The following ASXL3 variants were observed in gnomAD, a reference collection of about 807,000 sequenced individuals.
ASXL3 encodes the protein ASXL transcriptional regulator 3, also known as putative Polycomb group protein ASXL3.
ASXL3 carries 34 observed loss-of-function variants against 170.6 expected under a neutral mutation model. The ratio of observed to expected loss-of-function variants is 0.20; its 90% CI spans 0.15 to 0.27. The LOEUF (loss-of-function observed/expected upper bound fraction) is 0.27, where lower values mean the gene tolerates loss of function less well. Ranked by LOEUF, ASXL3 falls within the 10% of genes least tolerant of loss-of-function variation. ASXL3 has a pLI of 1.00. For synonymous variants in ASXL3, 1,002 were observed against 989.1 expected (o/e 1.01, Z -0.24); for missense variants, 2,592 against 2,695.3 (o/e 0.96, Z 0.85).
At chr18:33,615,164 T>C (rs894585963) in intron 2 of ASXL3, among the ~76,000 whole-genome samples, 1 of 152,166 alleles carries the variant, frequency 6.6e-6, no homozygotes, top group Non-Finnish European at 1.5e-5. Flanking sequence ...CTATTTCATA[T>C]AGCCACCTTT....
rs532540690 is a variant in ASXL3 at position 33,743,562 on chromosome 18, A to G, written c.3714A>G (p.Val1238=). 2 of 1,613,246 alleles carry G rather than the reference A, an allele frequency of 1.2e-6. No individual in the cohort carries two copies. The highest frequency in any genetic ancestry group is 1.1e-5 in the South Asian group (1 of 91,082). The change falls in exon 12 of 12, where the codon GTA becomes GTG. Residue 1238 remains valine (V), a synonymous_variant. Coordinates refer to ENST00000269197, the MANE Select transcript of ASXL3 (RefSeq NM_030632.3). ...TTTTTAATAAAAATTCTGTCCCTGT[A>G]TCTGTTTGCAGCACTGCTATATCGG... The part of the protein sequence containing the change: ...PMLFNKNSVP[V]SVCSTAISGA...
intron 8 of ASXL3, among the ~76,000 whole-genome samples, chr18:33,703,683 C>T (rs541676510): frequency 6.6e-6 from 1 of 152,042 alleles, no homozygotes; most frequent in East Asian, 1.9e-4. Flanking sequence ...CCATCCCTCT[C>T]CTCACTTTTT....
intron 8 of ASXL3, among the ~76,000 whole-genome samples, chr18:33,729,789 G>C (rs1001516123): frequency 6.6e-6 from 1 of 151,952 alleles, no homozygotes; most frequent in Non-Finnish European, 1.5e-5. Flanking sequence ...ACTAGAAGTG[G>C]CCCAGACCGC....
intron 2 of ASXL3, among the ~76,000 whole-genome samples, chr18:33,635,247 T>C (rs953499685): frequency 3.3e-5 from 5 of 152,180 alleles, no homozygotes; most frequent in African/African-American, 1.2e-4. Flanking sequence ...AGAAAAATAG[T>C]CAGCTTGTAC....
chr18:33,714,212 T>C (rs755386621), intron 8 of ASXL3, among the ~76,000 whole-genome samples: 1 of 152,196 alleles, frequency 6.6e-6, no homozygotes, highest in Non-Finnish European at 1.5e-5. Flanking sequence ...TTTTCTGTAG[T>C]GAAGAAAACA....
intron 5 of ASXL3, among the ~76,000 whole-genome samples, chr18:33,666,862 G>C (rs1055196686): frequency 1.3e-5 from 2 of 152,194 alleles, no homozygotes; most frequent in African/African-American, 4.8e-5. Context: ...TGTTAAATCA[G>C]AGGGCTGACC....
intron 10 of ASXL3, among the ~76,000 whole-genome samples, chr18:33,735,479 A>T (rs781076761): frequency 6.6e-6 from 1 of 152,204 alleles, no homozygotes; most frequent in African/African-American, 2.4e-5. Flanking sequence ...CTTTTCTCAA[A>T]GATTAAAAAT....
At chr18:33,631,805 C>T (rs1311191261) in intron 2 of ASXL3, among the ~76,000 whole-genome samples, 2 of 151,854 alleles carry the variant, frequency 1.3e-5, no homozygotes, top group African/African-American at 2.4e-5. Context: ...CCCTAAAATT[C>T]GAATATATAG....
At position 33,749,132 on chromosome 18, in the gene ASXL3, A is replaced by G. The variant is rs1357286544; in HGVS notation, c.*2537A>G. On this transcript the variant is annotated 3_prime_UTR_variant, in exon 12 of 12. Coordinates refer to ENST00000269197, the MANE Select transcript of ASXL3 (RefSeq NM_030632.3). Reference sequence around the variant, plus strand: ...TTCCTAGTGTTCTCATATGGTTTATATTACTGAAAAATTAATATCTTTAAG... The same window carrying G: ...TTCCTAGTGTTCTCATATGGTTTATGTTACTGAAAAATTAATATCTTTAAG... 8.1e-6 allele frequency: 1 copy of G among 123,832 alleles called. No homozygotes were observed. The highest frequency in any genetic ancestry group is 1.7e-5 in the Non-Finnish European group (1 of 59,278). 7.7% of individuals were successfully genotyped at this position (123,832 alleles called of 1,614,324 possible).
intron 1 of ASXL3, among the ~76,000 whole-genome samples, chr18:33,601,519 C>T (rs2145113652): frequency 6.6e-6 from 1 of 151,792 alleles, no homozygotes; most frequent in Middle Eastern, 3.4e-3. Context: ...CATTATTATT[C>T]TATAAAAAGT....
Position 33,746,595 on chromosome 18 carries a change from A to G in ASXL3, c.6747A>G (p.Ter2249=), listed in dbSNP as rs1193452676. Residue 2249 remains the stop codon, a stop_retained_variant, in exon 12 of 12, where the codon TAA becomes TAG. Transcript: ENST00000269197. ...KLCVACLVVR[*] is the part of the protein sequence containing the mutation. The stretch of plus-strand genomic sequence containing the variant: ...GTGTAGCATGCCTGGTTGTACGATA[A>G]GAGCTGAGTGAAAGATGCAGTATCC... 3 of 1,571,880 alleles carry G rather than the reference A, an allele frequency of 1.9e-6. No individual in the cohort carries two copies. Among genetic ancestry groups the G allele is most frequent in the East Asian group, 4.5e-5 (2 of 44,146 alleles).
chr18:33,748,125 G>C lies in ASXL3; in HGVS notation c.*1530G>C, dbSNP rs577399125. 9 of 152,046 alleles carry C rather than the reference G, an allele frequency of 5.9e-5. No homozygotes were observed. The highest frequency in any genetic ancestry group is 2.2e-4 in the African/African-American group (9 of 41,374). 9.4% of individuals were successfully genotyped at this position (152,046 alleles called of 1,614,324 possible). A position where few individuals can be genotyped will look rare whatever the true frequency, so the allele number is the denominator to read the frequency against. On this transcript the variant is annotated 3_prime_UTR_variant, in exon 12 of 12. Transcript: ENST00000269197. ...AGAATTTAAAAAGCAAACATGGGGG[G>C]GGTGGGGAATCATCTGTATCCAGGG... is the stretch of plus-strand genomic sequence containing the variant.
chr18:33,693,589 G>A (rs933316048), intron 8 of ASXL3, among the ~76,000 whole-genome samples: 2 of 152,122 alleles, frequency 1.3e-5, no homozygotes, highest in South Asian at 2.1e-4. Flanking sequence ...TAAAAAGGCC[G>A]TGAAAAGTGG....
chr18:33,580,047 A>T (rs1028246815), intron 1 of ASXL3, among the ~76,000 whole-genome samples: 4 of 152,190 alleles, frequency 2.6e-5, no homozygotes, highest in Non-Finnish European at 4.4e-5. Context: ...GAAGTGACAA[A>T]GTCCTTTTTA....
chr18:33,613,437 A>T (rs1042691745), intron 2 of ASXL3, among the ~76,000 whole-genome samples: 1 of 152,068 alleles, frequency 6.6e-6, no homozygotes, highest in Non-Finnish European at 1.5e-5. Context: ...GGAATCCATA[A>T]TCCAGGCATA....
intron 8 of ASXL3, among the ~76,000 whole-genome samples, chr18:33,698,579 A>G (rs563283000): frequency 6.6e-6 from 1 of 152,232 alleles, no homozygotes; most frequent in African/African-American, 2.4e-5. Context: ...CCATGAATAT[A>G]AACAAAAAGG....
intron 1 of ASXL3, among the ~76,000 whole-genome samples, chr18:33,600,630 A>G (rs532886146): frequency 6.6e-6 from 1 of 152,242 alleles, no homozygotes; most frequent in East Asian, 1.9e-4. Context: ...TTCTGTGTGA[A>G]AAAGGAATGC....
At chr18:33,590,643 A>T (rs548099252) in intron 1 of ASXL3, among the ~76,000 whole-genome samples, 1 of 152,248 alleles carries the variant, frequency 6.6e-6, no homozygotes, top group East Asian at 1.9e-4. Flanking sequence ...TTATTTTTAT[A>T]ATATTTATTT....
chr18:33,591,193 A>G (rs2145097919), intron 1 of ASXL3, among the ~76,000 whole-genome samples: 2 of 152,296 alleles, frequency 1.3e-5, no homozygotes. Context: ...CTCCTTTCCT[A>G]GAGCCCAAAT....
Sources: gnomAD v4.1 joint callset for allele counts (sites outside exome capture counted in the v4.1 genomes callset) on GRCh38, gnomAD v4.1.1 for gene constraint, MANE v1.5 for transcripts, NCBI Gene and HGNC (gene_info 2026-07-23, HGNC 2026-07-21) for gene names.